The following MAOA variants were observed in gnomAD, a reference collection of about 807,000 sequenced individuals.
MAOA encodes the protein monoamine oxidase A.
MAOA carries 6 observed loss-of-function variants against 42.0 expected under a neutral mutation model. That is an observed-to-expected ratio of 0.14 (90% confidence interval 0.08 to 0.28). MAOA has a LOEUF of 0.28. Among genes scored for constraint, MAOA ranks in the 10% least tolerant of loss-of-function variants. The pLI is 1.00. For missense variants in MAOA, 262 were observed against 422.3 expected, an observed-to-expected ratio of 0.62 and a Z score of 3.33; for synonymous variants, 140 against 154.0, an observed-to-expected ratio of 0.91 and a Z score of 0.67.
At chrX:43,712,008 A>T in intron 4 of MAOA, 32 bp downstream of exon 4, 1 of 980,892 alleles carries the variant, frequency 1.0e-6, no homozygotes, top group Admixed American at 2.2e-5. Flanking sequence ...CACATGACCC[A>T]TTACTGAAAT....
intron 5 of MAOA, among the ~76,000 whole-genome samples, chrX:43,718,440 G>A (rs930524941): frequency 3.1e-5 from 3 of 97,617 alleles, no homozygotes; most frequent in African/African-American, 7.8e-5. Flanking sequence ...TGTTGGGGGG[G>A]TTATATCAGG....
chrX:43,659,587 G>A (rs745679280), intron 1 of MAOA, among the ~76,000 whole-genome samples: 1 of 111,030 alleles, frequency 9.0e-6, no homozygotes, highest in African/African-American at 3.3e-5. Context: ...GACTTCAGCT[G>A]TCCCTTATCT....
At chrX:43,734,008 G>T (rs1015119171) in intron 9 of MAOA, among the ~76,000 whole-genome samples, 4 of 111,297 alleles carry the variant, frequency 3.6e-5, no homozygotes, top group Non-Finnish European at 7.5e-5. Context: ...AAAGCAGGAG[G>T]TTCAGGTACA....
intron 2 of MAOA, 95 bp from the exon 3 acceptor site, chrX:43,693,196 A>C: frequency 1.1e-6 from 1 of 894,998 alleles, no homozygotes; most frequent in Admixed American, 2.4e-5. Flanking sequence ...AGGCACAATT[A>C]ACTTTTAAAA....
chrX:43,657,175 GTGTTTATATATATATATGAACTGTGTT>G (rs2033188669), intron 1 of MAOA, among the ~76,000 whole-genome samples: 1 of 93,419 alleles, frequency 1.1e-5, no homozygotes, highest in Non-Finnish European at 2.1e-5. Context: ...TATATGAACT[GTGTTTATATATATATATGAACTGTGTT>G]TATATATATA....
At chrX:43,689,068 A>G (rs1239330695) in intron 2 of MAOA, among the ~76,000 whole-genome samples, 2 of 109,878 alleles carry the variant, frequency 1.8e-5, no homozygotes, top group Non-Finnish European at 3.8e-5. Context: ...CAGGGGGTAC[A>G]GGATTTTTAT....
chrX:43,655,970 AC>A (rs2033175127), upstream of MAOA: 1 of 230,976 alleles, frequency 4.3e-6, no homozygotes, highest in East Asian at 9.4e-5. Context: ...GCAGGCGTCT[AC>A]CCCCACCTCA....
intron 9 of MAOA, among the ~76,000 whole-genome samples, chrX:43,733,902 G>A (rs1000823797): frequency 8.9e-5 from 10 of 112,071 alleles, no homozygotes; most frequent in African/African-American, 3.2e-4. Context: ...CATAATGACT[G>A]TTGGAATAAC....
chrX:43,671,524 A>G (rs1399642524), intron 1 of MAOA, among the ~76,000 whole-genome samples: 1 of 110,125 alleles, frequency 9.1e-6, no homozygotes, highest in Non-Finnish European at 1.9e-5. Flanking sequence ...GTCCATGCCT[A>G]TGTCCTGAAT....
At chrX:43,743,555 A>ACAT (rs1300016085) in intron 12 of MAOA, 3 of 423,263 alleles carry the variant, frequency 7.1e-6, no homozygotes, top group Non-Finnish European at 1.2e-5. Flanking sequence ...GAAAAGATCA[A>ACAT]CATCCCCTTT....
At chrX:43,705,583 A>G (rs922003984) in intron 3 of MAOA, among the ~76,000 whole-genome samples, 2 of 112,129 alleles carry the variant, frequency 1.8e-5, no homozygotes, top group Non-Finnish European at 3.8e-5. Context: ...AGCACAAGCA[A>G]CAGAAGAAAA....
At chrX:43,737,634 C>G (rs2033929912) in intron 10 of MAOA, among the ~76,000 whole-genome samples, 1 of 111,450 alleles carries the variant, frequency 9.0e-6, no homozygotes, top group Non-Finnish European at 1.9e-5. Flanking sequence ...CCCTCCAGCC[C>G]ATTTATAAGG....
intron 3 of MAOA, among the ~76,000 whole-genome samples, chrX:43,702,026 C>T: frequency 8.9e-6 from 1 of 112,132 alleles, no homozygotes; most frequent in Non-Finnish European, 1.9e-5. Context: ...TGCAAAGTAG[C>T]CTTCTAACAG....
chrX:43,682,972 A>G (rs950902812), intron 1 of MAOA, among the ~76,000 whole-genome samples: 2 of 112,179 alleles, frequency 1.8e-5, no homozygotes, highest in African/African-American at 6.5e-5. Context: ...AGTATGAAGC[A>G]TGGTTTCTAC....
At chrX:43,659,696 A>T (rs983187509) in intron 1 of MAOA, among the ~76,000 whole-genome samples, 1 of 111,418 alleles carries the variant, frequency 9.0e-6, no homozygotes, top group Non-Finnish European at 1.9e-5. Context: ...TGAACACTTC[A>T]GGTTCAACAT....
At chrX:43,663,188 G>A (rs2033249499) in intron 1 of MAOA, among the ~76,000 whole-genome samples, 1 of 110,629 alleles carries the variant, frequency 9.0e-6, no homozygotes, top group Non-Finnish European at 1.9e-5. Flanking sequence ...CTTTATTCTG[G>A]GAAGAGTTTG....
Position 43,743,984 on chromosome X carries a change from C to G in MAOA, c.1374+79C>G, listed in dbSNP as rs1003623018. On this transcript the variant is annotated intron_variant, in intron 13 of 14. Coordinates refer to ENST00000338702, the MANE Select transcript of MAOA (RefSeq NM_000240.4). ...CATCTGGTCTTGCTAGTTCTTGACA[C>G]TGATAGAATCTGTATGTCCATTTCT... 1.5e-5 allele frequency: 18 copies of G among 1,174,785 alleles called. No individual in the cohort carries two copies. In the Admixed American group the frequency reaches 4.0e-4, roughly 26 times the overall value.
At chrX:43,703,081 A>T (rs1305696911) in intron 3 of MAOA, among the ~76,000 whole-genome samples, 1 of 111,500 alleles carries the variant, frequency 9.0e-6, no homozygotes, top group Non-Finnish European at 1.9e-5. Context: ...TACTATTCTG[A>T]TGTTTAAATG....
intron 1 of MAOA, among the ~76,000 whole-genome samples, chrX:43,660,949 T>C (rs2033228447): frequency 8.9e-6 from 1 of 111,911 alleles, no homozygotes; most frequent in African/African-American, 3.3e-5. Flanking sequence ...CAGGGGACAA[T>C]GTATACTTCC....
Sources: allele counts gnomAD v4.1 joint callset (sites outside exome capture counted in the v4.1 genomes callset), GRCh38; gene constraint gnomAD v4.1.1; transcripts MANE v1.5; gene names NCBI Gene and HGNC (gene_info 2026-07-23, HGNC 2026-07-21).